ASIC2: variants seen among roughly 807,000 people sequenced by gnomAD.
ASIC2 encodes the protein acid-sensing ion channel 2.
In ASIC2, 25 loss-of-function variants were observed where a neutral mutation model predicts 57.3. That is an observed-to-expected ratio of 0.44 (90% confidence interval 0.32 to 0.61). The LOEUF (loss-of-function observed/expected upper bound fraction) is 0.61. ASIC2 is among the 20% of genes least tolerant of loss of function. The probability of loss-of-function intolerance (pLI) is 0.06; values close to 1 mark genes in which losing one functional copy is unlikely to be tolerated. For missense variants in ASIC2, 641 were observed against 738.1 expected, an observed-to-expected ratio of 0.87 and a Z score of 1.52; for synonymous variants, 319 against 307.5, an observed-to-expected ratio of 1.04 and a Z score of -0.39.
chr17:34,154,867 C>T (rs1904653330), intron 1 of ASIC2, among the ~76,000 whole-genome samples: 1 of 152,180 alleles, frequency 6.6e-6, no homozygotes, highest in Admixed American at 6.5e-5. Context: ...GAGGGTCCCA[C>T]AGCCCCTGAT....
chr17:33,993,265 C>G (rs1228697841), intron 1 of ASIC2, among the ~76,000 whole-genome samples: 1 of 152,164 alleles, frequency 6.6e-6, no homozygotes, highest in Non-Finnish European at 1.5e-5. Flanking sequence ...AGGTACTCCT[C>G]CCCAGTTGGT....
At chr17:33,247,687 A>T (rs1304063626) in intron 1 of ASIC2, among the ~76,000 whole-genome samples, 1 of 152,190 alleles carries the variant, frequency 6.6e-6, no homozygotes, top group Non-Finnish European at 1.5e-5. Context: ...CTGGAGCAGG[A>T]GTCAGTTGGC....
chr17:33,686,379 C>T (rs1452880339), intron 1 of ASIC2, among the ~76,000 whole-genome samples: 2 of 152,118 alleles, frequency 1.3e-5, no homozygotes, highest in African/African-American at 4.8e-5. Flanking sequence ...TGTAAGGGCT[C>T]CCCCTGCTGG....
At chr17:33,651,199 T>C (rs1206816003) in intron 1 of ASIC2, among the ~76,000 whole-genome samples, 1 of 152,106 alleles carries the variant, frequency 6.6e-6, no homozygotes, top group Non-Finnish European at 1.5e-5. Context: ...ATCTAGCTAA[T>C]TGTATTGGTC....
At chr17:33,119,463 C>T (rs1167373550) in intron 1 of ASIC2, among the ~76,000 whole-genome samples, 2 of 152,206 alleles carry the variant, frequency 1.3e-5, no homozygotes, top group African/African-American at 4.8e-5. Flanking sequence ...GAAAGTCTGT[C>T]AAATGGGTTA....
intron 1 of ASIC2, among the ~76,000 whole-genome samples, chr17:34,121,602 C>A (rs1598036980): frequency 1.3e-5 from 2 of 152,192 alleles, no homozygotes; most frequent in Non-Finnish European, 2.9e-5. Flanking sequence ...ATATCAATCT[C>A]ATCATGTCCC....
At chr17:33,142,037 T>A (rs1018549395) in intron 1 of ASIC2, among the ~76,000 whole-genome samples, 2 of 152,250 alleles carry the variant, frequency 1.3e-5, no homozygotes, top group African/African-American at 4.8e-5. Context: ...ATTTTATAAA[T>A]ATCTGTCTTC....
chr17:33,278,259 TTTG>T (rs1258258478), intron 1 of ASIC2, among the ~76,000 whole-genome samples: 1 of 152,062 alleles, frequency 6.6e-6, no homozygotes, highest in Non-Finnish European at 1.5e-5. Context: ...TGTTCATTTA[TTTG>T]TTAACTTACA....
intron 1 of ASIC2, among the ~76,000 whole-genome samples, chr17:33,477,530 C>T (rs1913268815): frequency 1.3e-5 from 2 of 152,194 alleles, no homozygotes; most frequent in South Asian, 2.1e-4. Context: ...CCTGCCTTCA[C>T]CTTCTGTAGT....
intron 1 of ASIC2, chr17:33,984,142 T>C (rs1905727623): frequency 6.6e-6 from 1 of 152,298 alleles, no homozygotes; most frequent in African/African-American, 2.4e-5. Flanking sequence ...TCATATTCAC[T>C]GAGGATTAGT....
chr17:34,145,474 C>T (rs534149765), intron 1 of ASIC2, among the ~76,000 whole-genome samples: 1 of 152,340 alleles, frequency 6.6e-6, no homozygotes, highest in South Asian at 2.1e-4. Context: ...CATTGATCCA[C>T]ATCTGCAGCA....
chr17:33,958,221 C>T (rs551043633), intron 1 of ASIC2, among the ~76,000 whole-genome samples: 8 of 152,258 alleles, frequency 5.3e-5, no homozygotes, highest in African/African-American at 1.2e-4. Flanking sequence ...TCCAGGTGCA[C>T]GATGCAAGCT....
At chr17:33,054,803 G>A (rs538391160) in intron 3 of ASIC2, among the ~76,000 whole-genome samples, 4 of 152,338 alleles carry the variant, frequency 2.6e-5, no homozygotes, top group Admixed American at 6.5e-5. Context: ...AAATGGGTGT[G>A]ATCAATTATG....
chr17:33,037,130 C>CAAAAAAA (rs35845015), intron 3 of ASIC2, among the ~76,000 whole-genome samples: 37 of 125,506 alleles, frequency 2.9e-4, no homozygotes, highest in East Asian at 5.1e-4. Flanking sequence ...GGTGTGGTAG[C>CAAAAAAA]AAAAAAAAAA....
At chr17:33,710,182 A>C (rs951511288) in intron 1 of ASIC2, among the ~76,000 whole-genome samples, 1 of 152,238 alleles carries the variant, frequency 6.6e-6, no homozygotes, top group African/African-American at 2.4e-5. Context: ...ACGGCAAGCC[A>C]TGTGGCAAGA....
intron 1 of ASIC2, among the ~76,000 whole-genome samples, chr17:33,857,811 C>A (rs1233337582): frequency 6.6e-6 from 1 of 152,182 alleles, no homozygotes; most frequent in Non-Finnish European, 1.5e-5. Flanking sequence ...CAGAAACTTC[C>A]CTTCATGGAA....
chr17:33,467,264 T>A (rs114170902), intron 1 of ASIC2, among the ~76,000 whole-genome samples: 53 of 152,312 alleles, frequency 3.5e-4, no homozygotes, highest in African/African-American at 1.2e-3. Flanking sequence ...TTTTTAAGTT[T>A]AAAAATATGG....
intron 1 of ASIC2, among the ~76,000 whole-genome samples, chr17:34,064,713 G>C (rs929895482): frequency 1.3e-5 from 2 of 152,072 alleles, no homozygotes; most frequent in South Asian, 4.1e-4. Flanking sequence ...CAAAAAGTGG[G>C]CTAAGGGCAT....
intron 1 of ASIC2, among the ~76,000 whole-genome samples, chr17:34,128,115 AAAG>A (rs997250898): frequency 4.6e-5 from 7 of 152,204 alleles, no homozygotes; most frequent in Non-Finnish European, 1.0e-4. Flanking sequence ...AGAATGAAGA[AAAG>A]AAGGAGGTAG....
Sources: gnomAD v4.1 joint callset for allele counts (sites outside exome capture counted in the v4.1 genomes callset) on GRCh38, gnomAD v4.1.1 for gene constraint, MANE v1.5 for transcripts, NCBI Gene and HGNC (gene_info 2026-07-23, HGNC 2026-07-21) for gene names.